STK10: variants seen among roughly 807,000 people sequenced by gnomAD.
The protein encoded by STK10 is serine/threonine kinase 10, also known as serine/threonine-protein kinase 10.
In STK10, 78 loss-of-function variants were observed where a neutral mutation model predicts 113.8. The observed-to-expected ratio is 0.69, with a 90% CI of 0.57 to 0.83. The LOEUF (loss-of-function observed/expected upper bound fraction) is 0.83, where lower values mean the gene tolerates loss of function less well. Among genes scored for constraint, STK10 ranks in the 40% least tolerant of loss-of-function variants. The pLI, the probability that STK10 is intolerant of heterozygous loss-of-function variation, is 0.00. For missense variants in STK10, 1,109 were observed against 1,280.1 expected (o/e 0.87, Z 2.04); for synonymous variants, 465 against 494.7 (o/e 0.94, Z 0.80).
In STK10 at chr5:172,093,829, G is replaced by A. The variant is rs767677870; in HGVS notation, c.1137C>T (p.Cys379=). ...SQSQDSVNEP[C]SQPSGDRSLQ... ...GGGATCTGTCCCCAGAGGGCTGGCT[G>A]CAGGGCTCATTCACACTGTCCTGAG... is the stretch of plus-strand genomic sequence containing the variant. The change falls in exon 9 of 19, where the codon TGC becomes TGT. Residue 379 remains cysteine (C), a synonymous_variant. Transcript: ENST00000176763. The surrounding 1 kb of genome is among the most constrained non-coding windows in gnomAD (Gnocchi z 4.1). 2.5e-5 allele frequency: 40 copies of A among 1,603,396 alleles called. No homozygotes were observed. The highest frequency in any genetic ancestry group is 3.4e-5 in the Non-Finnish European group (40 of 1,172,812).
At chr5:172,148,546 A>T (rs1264183276) in intron 2 of STK10, among the ~76,000 whole-genome samples, 1 of 152,244 alleles carries the variant, frequency 6.6e-6, no homozygotes, top group Non-Finnish European at 1.5e-5. Flanking sequence ...GCTGCTTCAC[A>T]GCTCCATCTG....
At position 172,117,512 on chromosome 5, in the gene STK10, C is replaced by T; in HGVS notation, c.489G>A (p.Val163=). 6.2e-7 allele frequency: 1 copy of T among 1,612,914 alleles called. No individual in the cohort carries two copies. The highest frequency in any genetic ancestry group is 2.2e-5 in the East Asian group (1 of 44,844). Residue 163 remains valine, a synonymous_variant, in exon 4 of 19, where the codon GTG becomes GTA. Transcript: ENST00000176763. ...TGATGTCTCCCTCGAGGGTCATCAG[C>T]ACGTTGCCAGCTTTCAGATCTCGGT... ...IIHRDLKAGN[V]LMTLEGDIRL...
chr5:172,074,704 C>T (rs1042028460), intron 12 of STK10, among the ~76,000 whole-genome samples: 2 of 152,064 alleles, frequency 1.3e-5, no homozygotes, highest in Non-Finnish European at 2.9e-5. Context: ...AAACAGACTT[C>T]ATCAAAAACA....
At chr5:172,105,448 G>T (rs1479941606) in intron 7 of STK10, 3 of 592,150 alleles carry the variant, frequency 5.1e-6, no homozygotes, top group Non-Finnish European at 9.0e-6. Flanking sequence ...CACGCTCCAT[G>T]AGGACAAGGT....
intron 12 of STK10, among the ~76,000 whole-genome samples, chr5:172,070,248 C>CAAAA (rs200484975): frequency 4.9e-5 from 7 of 144,172 alleles, no homozygotes; most frequent in African/African-American, 1.8e-4. Flanking sequence ...AATTCCACCT[C>CAAAA]AAAAAAATAT....
Position 172,096,463 on chromosome 5 carries a change from T to G in STK10, c.968A>C (p.Asp323Ala), listed in dbSNP as rs762102838. 3.7e-5 allele frequency: 59 copies of G among 1,613,258 alleles called. No homozygotes were observed. The highest frequency in any genetic ancestry group is 5.0e-5 in the Non-Finnish European group (59 of 1,180,014). ...CACGGCGTCCTCCTCTTCCCCCTCATCCCGGCCGTCTTCGATCTCTTCCAT... is the reference window on the plus strand; with the variant it reads ...CACGGCGTCCTCCTCTTCCCCCTCAGCCCGGCCGTCTTCGATCTCTTCCAT... Reference protein sequence around the residue: ...EVMEEIEDGRDEGEEEDAVDA... With the variant: ...EVMEEIEDGRAEGEEEDAVDA... Residue 323 changes from aspartate to alanine, a missense_variant, in exon 8 of 19, where the codon GAT becomes GCT. Physicochemically the swap from Asp to Ala is moderately radical, Grantham distance 126. Around this residue, in one of 5 missense-constraint regions of STK10, gnomAD observed 885 missense variants for 991.1 expected, o/e 0.89. Coordinates refer to ENST00000176763, the MANE Select transcript of STK10 (RefSeq NM_005990.4).
chr5:172,140,917 A>G (rs555993971), intron 2 of STK10, among the ~76,000 whole-genome samples: 3 of 152,276 alleles, frequency 2.0e-5, no homozygotes, highest in Non-Finnish European at 2.9e-5. Flanking sequence ...TGTACACACA[A>G]TGGATCCCTA....
chr5:172,185,046 C>T (rs1384389417), intron 1 of STK10, among the ~76,000 whole-genome samples: 4 of 152,084 alleles, frequency 2.6e-5, no homozygotes, highest in Non-Finnish European at 5.9e-5. Context: ...GGATGAGTTC[C>T]TTTGTATGAA....
chr5:172,119,452 A>G (rs934765285), intron 3 of STK10, among the ~76,000 whole-genome samples: 3 of 152,172 alleles, frequency 2.0e-5, no homozygotes, highest in Admixed American at 2.0e-4. Context: ...CAGTGGCTCA[A>G]TGCCTGTAGT....
At chr5:172,159,789 T>C (rs2339359) in intron 1 of STK10, among the ~76,000 whole-genome samples, 101,407 of 150,992 alleles carry the variant, frequency 0.67, 35,587 homozygotes, top group African/African-American at 0.91. Flanking sequence ...CACCACTGCA[T>C]CCCAGACTAG....
chr5:172,056,902 G>GAAAGAAAGAAAGAAGGAAGGAAGGAAAGA (rs1767788578), intron 15 of STK10: 1 of 124,626 alleles, frequency 8.0e-6, no homozygotes, highest in Admixed American at 8.3e-5. Context: ...AGAAAGAAGA[G>GAAAGAAAGAAAGAAGGAAGGAAGGAAAGA]AAAGAAAGAA....
At position 172,102,664 on chromosome 5, in the gene STK10, T is replaced by G. The variant is rs569673754; in HGVS notation, c.870+2992A>C. 1.5e-3 allele frequency among the ~76,000 whole-genome samples: 232 copies of G among 152,170 alleles called. 1 individual carries two copies. The highest frequency in any genetic ancestry group is 5.3e-3 in the African/African-American group (220 of 41,502). The stretch of plus-strand genomic sequence containing the variant: ...AGATCGACTGGGCTGGTGCTGTTGA[T>G]GTGTTCAGTGAGACCAACACCAAGG... On this transcript the variant is annotated intron_variant, in intron 7 of 18. Transcript: ENST00000176763.
intron 12 of STK10, among the ~76,000 whole-genome samples, chr5:172,073,639 A>G (rs938280898): frequency 4.5e-4 from 69 of 151,964 alleles, no homozygotes; most frequent in African/African-American, 1.6e-3. Context: ...TAACAGCACC[A>G]AAAACATGAA....
chr5:172,144,943 C>T (rs149638243), intron 2 of STK10, among the ~76,000 whole-genome samples: 122 of 152,132 alleles, frequency 8.0e-4, no homozygotes, highest in African/African-American at 2.7e-3. Context: ...GGAACCAAGG[C>T]GACTCAATTT....
intron 1 of STK10, among the ~76,000 whole-genome samples, chr5:172,157,120 A>C (rs1347915838): frequency 6.6e-6 from 1 of 152,232 alleles, no homozygotes; most frequent in Non-Finnish European, 1.5e-5. Context: ...TACTTTTTGC[A>C]TAAAAAATGG....
At chr5:172,048,826 C>T (rs1386867747) in intron 18 of STK10, among the ~76,000 whole-genome samples, 6 of 150,652 alleles carry the variant, frequency 4.0e-5, no homozygotes, top group Admixed American at 2.0e-4. Flanking sequence ...AGACTTTACG[C>T]AGGCCCCCCA....
chr5:172,177,387 G>A (rs767667119), intron 1 of STK10, among the ~76,000 whole-genome samples: 5 of 152,168 alleles, frequency 3.3e-5, no homozygotes, highest in Admixed American at 6.5e-5. Flanking sequence ...ATTTTGTCAC[G>A]GCAGCCCGAA....
chr5:172,100,219 C>A (rs187890078), intron 7 of STK10, among the ~76,000 whole-genome samples: 27 of 152,286 alleles, frequency 1.8e-4, no homozygotes, highest in African/African-American at 6.5e-4. Context: ...AGAATCCTAG[C>A]CTGCACCAGG....
At chr5:172,083,464 CTACATT>C (rs1581146612) in intron 10 of STK10, among the ~76,000 whole-genome samples, 1 of 152,090 alleles carries the variant, frequency 6.6e-6, no homozygotes, top group East Asian at 1.9e-4. Context: ...GATGTAGAAA[CTACATT>C]TTCATGATGT....
Sources: gnomAD v4.1 joint callset for allele counts (sites outside exome capture counted in the v4.1 genomes callset) on GRCh38, gnomAD v4.1.1 for gene constraint, gnomAD v4.1.1 regional missense constraint, Gnocchi (gnomAD v3.1) non-coding constraint, MANE v1.5 for transcripts, NCBI Gene and HGNC (gene_info 2026-07-23, HGNC 2026-07-21) for gene names.